The following KYNU variants were observed in gnomAD, a reference collection of about 807,000 sequenced individuals.
The protein encoded by KYNU is L-kynurenine hydrolase.
In KYNU, 54 loss-of-function variants were observed where a neutral mutation model predicts 59.2. The observed-to-expected ratio is 0.91, with a 90% CI of 0.73 to 1.14. KYNU has a LOEUF of 1.14. Ranked by LOEUF, KYNU falls within the 50% of genes most tolerant of loss-of-function variation. The pLI, the probability that KYNU is intolerant of heterozygous loss-of-function variation, is 0.00. For missense variants in KYNU, 567 were observed against 554.4 expected (o/e 1.02, Z -0.23); for synonymous variants, 177 against 192.0 (o/e 0.92, Z 0.65).
At chr2:142,980,190 G>A (rs1177970971) in intron 8 of KYNU, among the ~76,000 whole-genome samples, 3 of 148,798 alleles carry the variant, frequency 2.0e-5, no homozygotes, top group East Asian at 2.0e-4. Flanking sequence ...GCATGCTAAT[G>A]TATTAGCTTA....
At chr2:142,979,496 C>T (rs190125388) in intron 8 of KYNU, among the ~76,000 whole-genome samples, 8 of 152,214 alleles carry the variant, frequency 5.3e-5, no homozygotes, top group African/African-American at 9.6e-5. Context: ...GTTAAAGAAT[C>T]TTCACTCAAA....
At chr2:142,996,329 GA>G (rs976047491) in intron 10 of KYNU, among the ~76,000 whole-genome samples, 3 of 152,100 alleles carry the variant, frequency 2.0e-5, no homozygotes, top group African/African-American at 7.2e-5. Flanking sequence ...CTATTCATAA[GA>G]AAAAGTTAGT....
At chr2:143,037,343 G>A (rs922469395) in intron 12 of KYNU, among the ~76,000 whole-genome samples, 4 of 152,138 alleles carry the variant, frequency 2.6e-5, no homozygotes, top group South Asian at 4.1e-4. Context: ...TAAACAATAC[G>A]TATATTATAT....
intron 2 of KYNU, among the ~76,000 whole-genome samples, chr2:142,907,907 A>G (rs1048803693): frequency 2.0e-5 from 3 of 152,184 alleles, no homozygotes; most frequent in African/African-American, 7.2e-5. Flanking sequence ...TCAATACTTC[A>G]AATATTCTTT....
In KYNU at chr2:142,878,500, G is replaced by A. The variant is rs556035317; in HGVS notation, c.-20+764G>A. Reference sequence around the variant, plus strand: ...TTTCTTTACTAATGAAAAACTACACGCTTTCTCAACATATTTTTAAGTCAG... The same window carrying A: ...TTTCTTTACTAATGAAAAACTACACACTTTCTCAACATATTTTTAAGTCAG... On this transcript the variant is annotated intron_variant, in intron 1 of 13. Transcript: ENST00000264170. Among the ~76,000 whole-genome samples, 9 of 152,002 alleles carry A rather than the reference G, an allele frequency of 5.9e-5. No individual in the cohort carries two copies. The South Asian group carries it at 1.7e-3, about 28-fold the overall frequency.
chr2:142,884,688 C>CTTTTTTTTTTTTTT (rs70997529), intron 1 of KYNU, among the ~76,000 whole-genome samples: 434 of 77,036 alleles, frequency 5.6e-3, no homozygotes, highest in Middle Eastern at 9.8e-3. Context: ...TTCTCTTTTC[C>CTTTTTTTTTTTTTT]TTTTTTTTTT....
chr2:142,943,190 G>A (rs974209624), intron 4 of KYNU, among the ~76,000 whole-genome samples: 2 of 152,164 alleles, frequency 1.3e-5, no homozygotes, highest in Non-Finnish European at 2.9e-5. Context: ...TGATGGGAAG[G>A]AGATGCCTGC....
At chr2:142,925,716 C>G (rs931096609) in intron 3 of KYNU, among the ~76,000 whole-genome samples, 1 of 152,106 alleles carries the variant, frequency 6.6e-6, no homozygotes, top group Admixed American at 6.6e-5. Context: ...TGAAATCACC[C>G]ATGATGGGAG....
At chr2:143,017,048 A>G (rs1401038252) in intron 10 of KYNU, among the ~76,000 whole-genome samples, 2 of 152,300 alleles carry the variant, frequency 1.3e-5, no homozygotes, top group Admixed American at 6.5e-5. Flanking sequence ...AATGGCTTCT[A>G]GTTGCATCCA....
Position 143,030,895 on chromosome 2 carries a change from T to C in KYNU, c.955+1216T>C, listed in dbSNP as rs144966897. Among the ~76,000 whole-genome samples the C allele has an allele frequency of 1.2e-4, 19 of 152,182 alleles. 1 individual carries two copies. The highest frequency in any genetic ancestry group is 1.2e-3 in the Admixed American group (19 of 15,284). ...TTCAAAACACTTACATAGCCTAGAG[T>C]TGGGCAAAACCATCTAACACAAATC... On this transcript the variant is annotated intron_variant, in intron 11 of 13. Transcript: ENST00000264170.
chr2:142,954,849 C>G lies in KYNU; in HGVS notation c.413C>G (p.Thr138Ser), dbSNP rs377046390. 1 of 1,597,590 alleles carries G rather than the reference C, an allele frequency of 6.3e-7. No individual in the cohort carries two copies. Among genetic ancestry groups the G allele is most frequent in the South Asian group, 1.1e-5 (1 of 90,664 alleles). The change falls in exon 5 of 14, where the codon ACT (threonine) becomes AGT (serine). Residue 138 changes from threonine (T) to serine (S), a missense_variant. Physicochemically the swap from Thr to Ser is moderately conservative, Grantham distance 58. Transcript: ENST00000264170. ...EKEIALMNAL[T>S]VNLHLLMLSF... Reference sequence around the variant, plus strand: ...GAAATAGCCCTAATGAATGCTTTGACTGTAAATTTACATCTTCTAATGGTA... The same window carrying G: ...GAAATAGCCCTAATGAATGCTTTGAGTGTAAATTTACATCTTCTAATGGTA...
chr2:143,024,296 A>G (rs1686491943), intron 10 of KYNU, among the ~76,000 whole-genome samples: 1 of 151,848 alleles, frequency 6.6e-6, no homozygotes, highest in Non-Finnish European at 1.5e-5. Context: ...ATCATTTCCT[A>G]TTTACTGTTA....
At chr2:143,020,372 A>G (rs1003412583) in intron 10 of KYNU, among the ~76,000 whole-genome samples, 1 of 152,078 alleles carries the variant, frequency 6.6e-6, no homozygotes, top group Non-Finnish European at 1.5e-5. Context: ...TCCTTCTTAC[A>G]TTCTTCATTG....
chr2:143,046,492 T>C lies in KYNU; in HGVS notation c.*4320T>C, dbSNP rs1026978659. On this transcript the variant is annotated 3_prime_UTR_variant, in exon 14 of 14. Transcript: ENST00000264170. ...GAGGTGGTGATTCTATTTCATTTTT[T>C]CCCATATAGATAATTTATATTATTA... The C allele has an allele frequency of 6.6e-6, 1 of 151,012 alleles. No individual in the cohort carries two copies. The highest frequency in any genetic ancestry group is 1.5e-5 in the Non-Finnish European group (1 of 67,490). 9.4% of individuals were successfully genotyped at this position (151,012 alleles called of 1,614,324 possible).
At chr2:143,026,959 G>T (rs1686592611) in intron 10 of KYNU, among the ~76,000 whole-genome samples, 1 of 152,160 alleles carries the variant, frequency 6.6e-6, no homozygotes, top group African/African-American at 2.4e-5. Context: ...CTGAGTCTGG[G>T]ATTAATATAG....
intron 8 of KYNU, among the ~76,000 whole-genome samples, chr2:142,980,556 T>G (rs1489605935): frequency 6.6e-6 from 1 of 152,108 alleles, no homozygotes; most frequent in Non-Finnish European, 1.5e-5. Flanking sequence ...GGGGGCTCTG[T>G]GAACAAAGGC....
At chr2:142,976,164 G>A (rs181589822) in intron 8 of KYNU, among the ~76,000 whole-genome samples, 11 of 152,288 alleles carry the variant, frequency 7.2e-5, no homozygotes, top group African/African-American at 2.6e-4. Context: ...GAAGTTTTAT[G>A]GGGTTGTGCT....
chr2:143,046,682 A>G lies in KYNU; in HGVS notation c.*4510A>G, dbSNP rs1393681233. The stretch of plus-strand genomic sequence containing the variant: ...TCAATACTTCACTTCCTTAATTACT[A>G]CAACATAGCAGGGCCTGGCATCTGC... On this transcript the variant is annotated 3_prime_UTR_variant, in exon 14 of 14. Coordinates refer to ENST00000264170, the MANE Select transcript of KYNU (RefSeq NM_003937.3). The G allele has an allele frequency of 2.0e-5, 3 of 152,066 alleles. No homozygotes were observed. The allele number at this position is 152,066 out of a possible 1,614,324, so 9.4% of individuals were successfully genotyped here.
chr2:142,897,277 G>A (rs190690928), intron 2 of KYNU, among the ~76,000 whole-genome samples: 2 of 152,128 alleles, frequency 1.3e-5, no homozygotes, highest in Admixed American at 6.5e-5. Context: ...TTCAGTTCTG[G>A]GGATTATTTG....
Sources: allele counts gnomAD v4.1 joint callset (sites outside exome capture counted in the v4.1 genomes callset), GRCh38; gene constraint gnomAD v4.1.1; transcripts MANE v1.5; gene names NCBI Gene and HGNC (gene_info 2026-07-23, HGNC 2026-07-21).